FAAH2: variants seen among roughly 807,000 people sequenced by gnomAD.
The protein encoded by FAAH2 is fatty-acid amide hydrolase 2.
A neutral mutation model predicts 36.9 loss-of-function variants in FAAH2; 60 were observed. The ratio of observed to expected loss-of-function variants is 1.63; its 90% CI spans 1.32 to 2.02. FAAH2 has a LOEUF of 2.02. Ranked by LOEUF, FAAH2 falls within the 30% of genes most tolerant of loss-of-function variation. The pLI is 0.00. For synonymous variants in FAAH2, 214 were observed against 143.8 expected (o/e 1.49, Z -3.49); for missense variants, 689 against 397.5 (o/e 1.73, Z -6.23).
the FAAH2 span, among the ~76,000 whole-genome samples, chrX:57,253,136 C>T: frequency 1.8e-5 from 2 of 110,020 alleles, no homozygotes; most frequent in Non-Finnish European, 3.8e-5. Flanking sequence ...CTTCAATAGC[C>T]AATTCGATAA....
chrX:57,189,737 G>A, the FAAH2 span, among the ~76,000 whole-genome samples: 1 of 111,702 alleles, frequency 9.0e-6, no homozygotes, highest in African/African-American at 3.3e-5. Context: ...AACAAAGATG[G>A]TTGCCTGCTC....
chrX:57,197,806 T>A, the FAAH2 span, among the ~76,000 whole-genome samples: 2 of 111,848 alleles, frequency 1.8e-5, no homozygotes, highest in Non-Finnish European at 3.8e-5. Context: ...ACTTTGTGAG[T>A]GTCTTTGGCT....
chrX:57,424,740 A>C (rs1458070986), intron 7 of FAAH2, among the ~76,000 whole-genome samples: 2 of 112,278 alleles, frequency 1.8e-5, no homozygotes, highest in Non-Finnish European at 3.8e-5. Flanking sequence ...TGGCCTTTAT[A>C]AGCAAAAGTA....
intron 10 of FAAH2, among the ~76,000 whole-genome samples, chrX:57,450,425 G>A (rs1047677206): frequency 1.8e-5 from 2 of 111,456 alleles, no homozygotes; most frequent in Non-Finnish European, 3.8e-5. Context: ...GGTCAGGACT[G>A]AAATTCAGTT....
At chrX:57,472,649 G>T (rs1374052574) in intron 10 of FAAH2, among the ~76,000 whole-genome samples, 1 of 110,132 alleles carries the variant, frequency 9.1e-6, no homozygotes, top group Non-Finnish European at 1.9e-5. Context: ...TTAGATTAGT[G>T]ATTAGATCTC....
chrX:57,175,642 T>C, the FAAH2 span, among the ~76,000 whole-genome samples: 2 of 111,435 alleles, frequency 1.8e-5, no homozygotes, highest in Admixed American at 1.9e-4. Context: ...GTTTTCTTTA[T>C]TGTGTTATTG....
intron 6 of FAAH2, 116 bp downstream of exon 6, chrX:57,378,902 T>G: frequency 1.1e-6 from 1 of 875,179 alleles, no homozygotes; most frequent in Non-Finnish European, 1.6e-6. Context: ...TTTACAGGTT[T>G]TTATGAGAGA....
intron 8 of FAAH2, among the ~76,000 whole-genome samples, chrX:57,441,192 C>T (rs780682968): frequency 1.8e-5 from 2 of 111,620 alleles, no homozygotes; most frequent in Non-Finnish European, 3.8e-5. Context: ...ACTAGCTCCT[C>T]TTTGTACCTC....
At chrX:57,469,212 A>C (rs2057110323) in intron 10 of FAAH2, among the ~76,000 whole-genome samples, 1 of 112,032 alleles carries the variant, frequency 8.9e-6, no homozygotes, top group Non-Finnish European at 1.9e-5. Flanking sequence ...ATAACCAGCT[A>C]ACATCATAAT....
the FAAH2 span, among the ~76,000 whole-genome samples, chrX:57,160,699 T>A: frequency 2.7e-5 from 3 of 112,200 alleles, no homozygotes; most frequent in Non-Finnish European, 3.8e-5. Context: ...CCCTTTGTCC[T>A]TTTTTATTGC....
chrX:57,168,269 C>A, the FAAH2 span, among the ~76,000 whole-genome samples: 13 of 109,804 alleles, frequency 1.2e-4, no homozygotes, highest in Admixed American at 9.8e-4. Flanking sequence ...TCCCTGGTTT[C>A]TTTTATTATA....
At chrX:57,131,041 T>C in the FAAH2 span, among the ~76,000 whole-genome samples, 1 of 110,696 alleles carries the variant, frequency 9.0e-6, no homozygotes, top group Non-Finnish European at 1.9e-5. Flanking sequence ...TGAGAGGAGT[T>C]GGACATGTGA....
intron 7 of FAAH2, chrX:57,393,898 G>A: frequency 5.7e-6 from 6 of 1,049,988 alleles, no homozygotes; most frequent in Non-Finnish European, 8.0e-6. Context: ...TTGCAAATCT[G>A]TTTATCTCTT....
the FAAH2 span, among the ~76,000 whole-genome samples, chrX:57,228,054 T>C: frequency 4.5e-5 from 5 of 112,078 alleles, no homozygotes; most frequent in African/African-American, 1.6e-4. Context: ...TTGAAAATTT[T>C]CCCAAGGTTT....
intron 10 of FAAH2, among the ~76,000 whole-genome samples, chrX:57,460,881 A>T (rs1481233475): frequency 8.9e-6 from 1 of 111,750 alleles, no homozygotes; most frequent in Non-Finnish European, 1.9e-5. Flanking sequence ...GTCGAGACCC[A>T]TCATTGTGCT....
the FAAH2 span, among the ~76,000 whole-genome samples, chrX:57,144,518 A>T: frequency 9.2e-6 from 1 of 108,568 alleles, no homozygotes; most frequent in African/African-American, 3.3e-5. Context: ...TTATTTTTTA[A>T]TAATTTTTAA....
At chrX:57,278,436 AT>A in the FAAH2 span, among the ~76,000 whole-genome samples, 1 of 111,742 alleles carries the variant, frequency 8.9e-6, no homozygotes, top group Admixed American at 9.5e-5. Context: ...TTCAAGATGG[AT>A]TAAAGATTTA....
intron 3 of FAAH2, among the ~76,000 whole-genome samples, chrX:57,319,399 C>T (rs2052945228): frequency 9.0e-6 from 1 of 111,665 alleles, no homozygotes; most frequent in Non-Finnish European, 1.9e-5. Flanking sequence ...AGAGCCAAAT[C>T]ATGAGTGAAC....
At chrX:57,300,440 C>T (rs1039298063) in intron 2 of FAAH2, among the ~76,000 whole-genome samples, 3 of 111,924 alleles carry the variant, frequency 2.7e-5, no homozygotes, top group Admixed American at 9.5e-5. Flanking sequence ...TTTCCTTACA[C>T]CTTATACAAA....
Sources: allele counts gnomAD v4.1 joint callset (sites outside exome capture counted in the v4.1 genomes callset), GRCh38; gene constraint gnomAD v4.1.1; transcripts MANE v1.5; gene names NCBI Gene and HGNC (gene_info 2026-07-23, HGNC 2026-07-21).